Variants in TBCK observed in about 807,000 individuals in gnomAD.
TBCK encodes the protein TBC domain-containing protein kinase-like protein.
In TBCK, 99 loss-of-function variants were observed where a neutral mutation model predicts 113.4. That is an observed-to-expected ratio of 0.87 (90% confidence interval 0.74 to 1.03). The LOEUF is 1.03. TBCK is among the 50% of genes least tolerant of loss of function. The pLI, the probability that TBCK is intolerant of heterozygous loss-of-function variation, is 0.00. For synonymous variants in TBCK, 369 were observed against 370.8 expected, an observed-to-expected ratio of 1.00 and a Z score of 0.05; for missense variants, 1,045 against 1,061.3, an observed-to-expected ratio of 0.98 and a Z score of 0.21.
Position 106,092,752 on chromosome 4 carries a change from C to T in TBCK, c.2571+2730G>A, listed in dbSNP as rs183074457. Among the ~76,000 whole-genome samples the T allele has an allele frequency of 7.3e-3, 1,116 of 152,346 alleles. 21 individuals carry two copies. Among genetic ancestry groups the T allele is most frequent in the Non-Finnish European group, 4.7e-3 (321 of 68,026 alleles). On this transcript the variant is annotated intron_variant, in intron 25 of 25. Coordinates refer to ENST00000394708, the MANE Select transcript of TBCK (RefSeq NM_001163435.3). ...GGCCTGCAAGCAATGTGCGCAGTCC[C>T]GGTTCCCGCCTGTGCCTCTTCCTCC...
intron 25 of TBCK, among the ~76,000 whole-genome samples, chr4:106,051,045 C>G (rs1243351561): frequency 6.6e-6 from 1 of 151,662 alleles, no homozygotes; most frequent in Non-Finnish European, 1.5e-5. Context: ...CATGTTTGCC[C>G]GGAGAAAGTT....
intron 22 of TBCK, among the ~76,000 whole-genome samples, chr4:106,187,813 C>A (rs1321274694): frequency 6.6e-6 from 1 of 152,080 alleles, no homozygotes; most frequent in Non-Finnish European, 1.5e-5. Context: ...TTTTTATTGG[C>A]TATTGTAAGT....
chr4:106,207,248 G>A (rs1355866143), intron 20 of TBCK, among the ~76,000 whole-genome samples: 1 of 152,106 alleles, frequency 6.6e-6, no homozygotes, highest in Non-Finnish European at 1.5e-5. Context: ...CTTTAGCAGT[G>A]CTCAGTATTC....
chr4:106,225,588 T>G (rs1758151673), intron 19 of TBCK, among the ~76,000 whole-genome samples: 1 of 152,104 alleles, frequency 6.6e-6, no homozygotes, highest in Non-Finnish European at 1.5e-5. Context: ...GCCTCCCAAG[T>G]AGCTGGGATT....
chr4:106,137,154 G>T (rs1746651867), intron 23 of TBCK, among the ~76,000 whole-genome samples: 1 of 139,998 alleles, frequency 7.1e-6, no homozygotes, highest in Non-Finnish European at 1.6e-5. Context: ...GTCATGGTTA[G>T]AATATCATAT....
chr4:106,160,886 T>C (rs4466113), intron 23 of TBCK, among the ~76,000 whole-genome samples: 21,464 of 151,882 alleles, frequency 0.14, 1,708 homozygotes, highest in South Asian at 0.25. Flanking sequence ...GATGAATGAA[T>C]GGATAAACAA....
intron 25 of TBCK, among the ~76,000 whole-genome samples, chr4:106,093,969 G>T (rs941076443): frequency 1.3e-5 from 2 of 152,182 alleles, no homozygotes; most frequent in African/African-American, 4.8e-5. Flanking sequence ...TCTGATGGGG[G>T]AGGCTGATAA....
chr4:106,150,246 T>A (rs1472401831), intron 23 of TBCK, among the ~76,000 whole-genome samples: 1 of 152,104 alleles, frequency 6.6e-6, no homozygotes, highest in Non-Finnish European at 1.5e-5. Context: ...ATAAAACAAG[T>A]AGACTAGTAT....
intron 19 of TBCK, among the ~76,000 whole-genome samples, chr4:106,217,469 C>G (rs1757096896): frequency 6.6e-6 from 1 of 152,106 alleles, no homozygotes; most frequent in Non-Finnish European, 1.5e-5. Context: ...CTAGAAAACC[C>G]CATTGTCTCA....
chr4:106,144,665 T>C (rs1310377442), intron 23 of TBCK, among the ~76,000 whole-genome samples: 2 of 152,240 alleles, frequency 1.3e-5, no homozygotes, highest in Non-Finnish European at 2.9e-5. Flanking sequence ...TATCTTTCTT[T>C]TGGCTTTTCC....
intron 23 of TBCK, among the ~76,000 whole-genome samples, chr4:106,158,127 T>G (rs1749337466): frequency 6.6e-6 from 1 of 152,104 alleles, no homozygotes; most frequent in Non-Finnish European, 1.5e-5. Flanking sequence ...ATGTTAGAAG[T>G]TTGAATTTTA....
At chr4:106,058,643 G>A (rs1018049148) in intron 25 of TBCK, among the ~76,000 whole-genome samples, 2 of 151,744 alleles carry the variant, frequency 1.3e-5, no homozygotes, top group African/African-American at 4.8e-5. Flanking sequence ...ACCTAAGAGG[G>A]TGAGGGAGCA....
chr4:106,283,759 A>G (rs111353083), intron 3 of TBCK, among the ~76,000 whole-genome samples: 1,581 of 144,626 alleles, frequency 0.011, 8 homozygotes, highest in Non-Finnish European at 0.016. Flanking sequence ...CCTCTGGGGG[A>G]AAAAAAAAAA....
chr4:106,073,624 G>C (rs900853008), intron 25 of TBCK, among the ~76,000 whole-genome samples: 2 of 152,184 alleles, frequency 1.3e-5, no homozygotes, highest in African/African-American at 4.8e-5. Context: ...ATACCATGCT[G>C]GGAGAACGAC....
intron 25 of TBCK, among the ~76,000 whole-genome samples, chr4:106,080,175 A>T (rs1174711444): frequency 6.6e-6 from 1 of 152,146 alleles, no homozygotes; most frequent in African/African-American, 2.4e-5. Context: ...GAATTAGAAA[A>T]AGCTATTCTA....
intron 25 of TBCK, among the ~76,000 whole-genome samples, chr4:106,058,993 A>T (rs904481926): frequency 3.3e-5 from 5 of 151,738 alleles, no homozygotes; most frequent in Non-Finnish European, 7.4e-5. Context: ...AATAAGTCAA[A>T]TAATACTTTT....
At chr4:106,201,429 TTAGC>T (rs747607834) in intron 20 of TBCK, among the ~76,000 whole-genome samples, 4 of 152,218 alleles carry the variant, frequency 2.6e-5, no homozygotes, top group Non-Finnish European at 4.4e-5. Context: ...AGAGATATTA[TTAGC>T]TATTTCCTGA....
chr4:106,246,955 G>A (rs1446378097), intron 10 of TBCK, among the ~76,000 whole-genome samples, 184 bp downstream of exon 10: 1 of 152,032 alleles, frequency 6.6e-6, no homozygotes, highest in Non-Finnish European at 1.5e-5. Flanking sequence ...AAAGTGCTGG[G>A]ATTACAGGCA....
chr4:106,273,175 T>A (rs1004869945), intron 3 of TBCK, among the ~76,000 whole-genome samples: 1 of 152,156 alleles, frequency 6.6e-6, no homozygotes, highest in African/African-American at 2.4e-5. Flanking sequence ...ATTGTAACTA[T>A]AACAACAAAA....
Sources: allele counts gnomAD v4.1 joint callset (sites outside exome capture counted in the v4.1 genomes callset), GRCh38; gene constraint gnomAD v4.1.1; transcripts MANE v1.5; gene names NCBI Gene and HGNC (gene_info 2026-07-23, HGNC 2026-07-21).